The following HSPA4 variants were observed in gnomAD, a reference collection of about 807,000 sequenced individuals.
The protein encoded by HSPA4 is heat shock 70 kDa protein 4.
Under a neutral mutation model 106.2 loss-of-function variants are expected in HSPA4, and 25 were observed. That is an observed-to-expected ratio of 0.24 (90% confidence interval 0.17 to 0.33). HSPA4 has a LOEUF of 0.33. Among genes scored for constraint, HSPA4 ranks in the 10% least tolerant of loss-of-function variants. The probability of loss-of-function intolerance (pLI) is 1.00; values close to 1 mark genes in which losing one functional copy is unlikely to be tolerated. For missense variants in HSPA4, 841 were observed against 996.0 expected (o/e 0.84, Z 2.10); for synonymous variants, 332 against 333.6 (o/e 1.00, Z 0.05).
At chr5:133,094,785 G>A (rs951348949) in intron 13 of HSPA4, among the ~76,000 whole-genome samples, 114 of 152,132 alleles carry the variant, frequency 7.5e-4, no homozygotes, top group African/African-American at 2.4e-3. Context: ...TTCAGCAGCC[G>A]ACTTAAGTTA....
At chr5:133,086,444 AC>A (rs1262869289) in intron 7 of HSPA4, among the ~76,000 whole-genome samples, 6 of 152,216 alleles carry the variant, frequency 3.9e-5, no homozygotes, top group Non-Finnish European at 5.9e-5. Flanking sequence ...ATCGCTTTAT[AC>A]AGTTGATAGG....
intron 9 of HSPA4, 32 bp from the exon 10 acceptor site, chr5:133,089,023 T>G (rs780343087): frequency 7.9e-6 from 10 of 1,260,268 alleles, no homozygotes; most frequent in African/African-American, 1.5e-5. Context: ...TCTATACTTG[T>G]TAAACGGAAT....
At chr5:133,083,608 G>C (rs527625903) in intron 7 of HSPA4, among the ~76,000 whole-genome samples, 11 of 151,960 alleles carry the variant, frequency 7.2e-5, no homozygotes, top group Admixed American at 1.3e-4. Context: ...CATGATTTCA[G>C]CTCACCTTAA....
intron 15 of HSPA4, among the ~76,000 whole-genome samples, chr5:133,097,807 C>T (rs1204349940): frequency 1.3e-5 from 2 of 152,112 alleles, no homozygotes; most frequent in African/African-American, 4.8e-5. Context: ...CCTTGGCCTC[C>T]CGAAGTGCTG....
chr5:133,074,097 G>A lies in HSPA4; in HGVS notation c.634G>A (p.Val212Ile). The change falls in exon 6 of 19, where the codon GTA (valine) becomes ATA (isoleucine). Residue 212 changes from valine (V) to isoleucine (I), a missense_variant. Transcript: ENST00000304858. Reference sequence around the variant, plus strand: ...GGGCCACTCTGCTTATCAAGTTTCTGTATGTGCATTTAATAGAGGAAAACT... The same window carrying A: ...GGGCCACTCTGCTTATCAAGTTTCTATATGTGCATTTAATAGAGGAAAACT... ...DMGHSAYQVS[V>I]CAFNRGKLKV... 6.2e-7 allele frequency: 1 copy of A among 1,602,882 alleles called. No individual in the cohort carries two copies. Among genetic ancestry groups the A allele is most frequent in the Non-Finnish European group, 8.5e-7 (1 of 1,175,342 alleles).
intron 7 of HSPA4, among the ~76,000 whole-genome samples, chr5:133,081,800 G>A (rs945443144): frequency 2.0e-5 from 3 of 152,150 alleles, no homozygotes; most frequent in African/African-American, 7.2e-5. Flanking sequence ...AGGAGATGGA[G>A]GCTTCTGTGA....
intron 11 of HSPA4, among the ~76,000 whole-genome samples, chr5:133,090,614 T>G (rs1384027320): frequency 6.6e-6 from 1 of 152,058 alleles, no homozygotes; most frequent in African/African-American, 2.4e-5. Flanking sequence ...TATAAAGACC[T>G]AGAATATATG....
At chr5:133,099,286 C>G (rs752022059) in intron 15 of HSPA4, among the ~76,000 whole-genome samples, 6 of 151,996 alleles carry the variant, frequency 3.9e-5, no homozygotes, top group Middle Eastern at 3.4e-3. Context: ...TCTACCATCA[C>G]GCCCGGGTAA....
At chr5:133,068,323 G>C (rs78223889) in intron 3 of HSPA4, among the ~76,000 whole-genome samples, 2,367 of 152,186 alleles carry the variant, frequency 0.016, 28 homozygotes, top group Middle Eastern at 0.037. Context: ...TGGAGTCTCT[G>C]TGAAGTATGC....
At chr5:133,064,663 ATTATTTT>A (rs142965790) in intron 1 of HSPA4, among the ~76,000 whole-genome samples, 1,991 of 152,312 alleles carry the variant, frequency 0.013, 41 homozygotes, top group African/African-American at 0.046. Flanking sequence ...GTGAGGGTAC[ATTATTTT>A]ATACTGGGAT....
intron 7 of HSPA4, among the ~76,000 whole-genome samples, chr5:133,083,073 T>C (rs940243320): frequency 6.8e-6 from 1 of 148,022 alleles, no homozygotes; most frequent in African/African-American, 2.5e-5. Context: ...AGGTGGAGGC[T>C]GCAGTGAGCC....
intron 6 of HSPA4, 73 bp from the exon 7 acceptor site, chr5:133,076,581 C>A: frequency 7.5e-7 from 1 of 1,324,866 alleles, no homozygotes; most frequent in Non-Finnish European, 1.0e-6. Flanking sequence ...AAACAACTTA[C>A]CAGGTAAATA....
intron 1 of HSPA4, among the ~76,000 whole-genome samples, chr5:133,063,034 A>G (rs751516960): frequency 2.6e-5 from 4 of 152,202 alleles, no homozygotes; most frequent in Admixed American, 6.5e-5. Context: ...AAAGCTTCAG[A>G]CATCACCTAG....
rs1220691035 is a variant in HSPA4, at chr5:133,074,020, A to G, written c.557A>G (p.Gln186Arg). Residue 186 changes from glutamine to arginine, a missense_variant, in exon 6 of 19, where the codon CAG becomes CGG. This residue lies in a region of HSPA4 where 347 missense variants were observed against 408.7 expected (regional missense o/e 0.85). Coordinates refer to ENST00000304858, the MANE Select transcript of HSPA4 (RefSeq NM_002154.4). ...AVALAYGIYK[Q>R]DLPALEEKPR... ...GCTCTTGCATATGGAATCTATAAGC[A>G]GGATCTTCCTGCCTTAGAAGAGAAA... 8.8e-6 allele frequency: 14 copies of G among 1,599,660 alleles called. No homozygotes were observed. Among genetic ancestry groups the G allele is most frequent in the Non-Finnish European group, 1.2e-5 (14 of 1,175,116 alleles).
At chr5:133,068,099 G>C (rs1339377132) in intron 3 of HSPA4, among the ~76,000 whole-genome samples, 1 of 151,790 alleles carries the variant, frequency 6.6e-6, no homozygotes, top group Non-Finnish European at 1.5e-5. Flanking sequence ...TCACTGTGTT[G>C]GCCAGGTTGG....
At chr5:133,091,607 A>G (rs1765648489) in intron 12 of HSPA4, among the ~76,000 whole-genome samples, 1 of 152,196 alleles carries the variant, frequency 6.6e-6, no homozygotes, top group Non-Finnish European at 1.5e-5. Flanking sequence ...ACACTTCTCA[A>G]CTTGAGTTAT....
Position 133,089,051 on chromosome 5 carries a change from C to A in HSPA4, c.1138-4C>A. On this transcript the variant is annotated splice_polypyrimidine_tract_variant and splice_region_variant and intron_variant, in intron 9 of 18. Coordinates refer to ENST00000304858, the MANE Select transcript of HSPA4 (RefSeq NM_002154.4). Reference sequence around the variant, plus strand: ...AACGGAATTTTTGAAAATTATTATTCTAGTGTGCCATCTTATCGCCTGCTT... The same window carrying A: ...AACGGAATTTTTGAAAATTATTATTATAGTGTGCCATCTTATCGCCTGCTT... 6.5e-7 allele frequency: 1 copy of A among 1,546,618 alleles called. No individual in the cohort carries two copies. The highest frequency in any genetic ancestry group is 8.8e-7 in the Non-Finnish European group (1 of 1,131,112).
rs927502112 is a variant in HSPA4, at chr5:133,103,300, T to C, written c.2158-565T>C. On this transcript the variant is annotated intron_variant, in intron 17 of 18. Coordinates refer to ENST00000304858, the MANE Select transcript of HSPA4 (RefSeq NM_002154.4). ...TTGAAGTCATGAGCTTAAGCGATCC[T>C]CCTGCCTCAGCCTCCCATAGTGCTA... 6.2e-4 allele frequency among the ~76,000 whole-genome samples: 94 copies of C among 151,986 alleles called. 1 individual carries two copies. Among genetic ancestry groups the C allele is most frequent in the African/African-American group, 2.2e-3 (90 of 41,480 alleles).
intron 1 of HSPA4, among the ~76,000 whole-genome samples, chr5:133,053,891 C>T (rs930616707): frequency 4.0e-5 from 6 of 151,868 alleles, no homozygotes; most frequent in Admixed American, 3.9e-4. Context: ...AACTCCTGAC[C>T]TCAAGTGATC....
Sources: gnomAD v4.1 joint callset for allele counts (sites outside exome capture counted in the v4.1 genomes callset) on GRCh38, gnomAD v4.1.1 for gene constraint, gnomAD v4.1.1 regional missense constraint, MANE v1.5 for transcripts, NCBI Gene and HGNC (gene_info 2026-07-23, HGNC 2026-07-21) for gene names.